Variants in RGS22 observed in about 807,000 individuals in gnomAD.
RGS22 encodes regulator of G-protein signaling 22.
In RGS22, 148 loss-of-function variants were observed where a neutral mutation model predicts 172.9. The observed-to-expected ratio is 0.86, with a 90% CI of 0.75 to 0.98. RGS22 has a LOEUF of 0.98. RGS22 is among the 50% of genes least tolerant of loss of function. The pLI is 0.00. For synonymous variants in RGS22, 458 were observed against 480.2 expected, an observed-to-expected ratio of 0.95 and a Z score of 0.60; for missense variants, 1,347 against 1,440.8, an observed-to-expected ratio of 0.93 and a Z score of 1.05.
At chr8:99,987,049 G>C (rs970867819) in intron 21 of RGS22, among the ~76,000 whole-genome samples, 1 of 152,106 alleles carries the variant, frequency 6.6e-6, no homozygotes, top group Non-Finnish European at 1.5e-5. Flanking sequence ...AAGTGTTTTA[G>C]ATTTTGGATT....
intron 3 of RGS22, among the ~76,000 whole-genome samples, chr8:100,087,123 C>T (rs910110252): frequency 1.3e-5 from 2 of 152,072 alleles, no homozygotes; most frequent in Non-Finnish European, 2.9e-5. Flanking sequence ...CTATAAAACT[C>T]CTATAGTTTA....
At chr8:100,005,326 C>A (rs1047491540) in intron 16 of RGS22, among the ~76,000 whole-genome samples, 2 of 152,066 alleles carry the variant, frequency 1.3e-5, no homozygotes, top group African/African-American at 4.8e-5. Flanking sequence ...TGGATACATG[C>A]AGAAATACAT....
intron 14 of RGS22, among the ~76,000 whole-genome samples, chr8:100,015,113 C>A (rs1030155982): frequency 6.6e-6 from 1 of 152,148 alleles, no homozygotes; most frequent in Admixed American, 6.5e-5. Context: ...TATATTAATA[C>A]TAATAGTTTT....
chr8:100,072,356 AT>A (rs1811050782), intron 4 of RGS22, 126 bp from the exon 5 acceptor site: 1 of 547,640 alleles, frequency 1.8e-6, no homozygotes, highest in African/African-American at 2.0e-5. Context: ...TAGGTCTTCT[AT>A]TTCCACTAGA....
At chr8:100,097,827 T>C (rs1002339734) in intron 2 of RGS22, among the ~76,000 whole-genome samples, 14 of 152,194 alleles carry the variant, frequency 9.2e-5, no homozygotes, top group African/African-American at 3.4e-4. Context: ...TTCCTTCTTA[T>C]CCACACCACC....
At position 99,976,408 on chromosome 8, in the gene RGS22, C is replaced by CT. The variant is rs1811941018; in HGVS notation, c.3519+1508dup. ...ACGGAGTCTTGCTCTGTTGCCCAGG[C>CT]TGGAGTGCAGTGGCGCCATCTCGGC... is the stretch of plus-strand genomic sequence containing the variant. On this transcript the variant is annotated intron_variant, in intron 23 of 27. Transcript: ENST00000360863. Among the ~76,000 whole-genome samples, 3 of 152,236 alleles carry CT rather than the reference C, an allele frequency of 2.0e-5. No homozygotes were observed. In the South Asian group the frequency reaches 6.2e-4, roughly 32 times the overall value.
chr8:100,019,856 C>G (rs1817409637), intron 14 of RGS22, among the ~76,000 whole-genome samples: 1 of 151,356 alleles, frequency 6.6e-6, no homozygotes, highest in Non-Finnish European at 1.5e-5. Context: ...AGTATAAGAA[C>G]TATAAAACCA....
intron 15 of RGS22, 67 bp downstream of exon 15, chr8:100,008,308 G>T: frequency 6.9e-7 from 1 of 1,458,736 alleles, no homozygotes; most frequent in Non-Finnish European, 9.4e-7. Context: ...AAAGTGCTGG[G>T]ATAACAGGCG....
chr8:100,060,421 T>TATATATATATATATATATATATACACAC (rs1245783464), intron 9 of RGS22, among the ~76,000 whole-genome samples: 1 of 119,480 alleles, frequency 8.4e-6, no homozygotes, highest in African/African-American at 2.9e-5. Flanking sequence ...TATATATATA[T>TATATATATATATATATATATATACACAC]ACACACACAC....
intron 23 of RGS22, among the ~76,000 whole-genome samples, chr8:99,968,533 C>T (rs114886025): frequency 0.011 from 1,672 of 152,030 alleles, 34 homozygotes; most frequent in African/African-American, 0.039. Flanking sequence ...TAAAGAAGAA[C>T]ATGAATGACC....
At chr8:100,067,513 G>A (rs1327747294) in intron 6 of RGS22, among the ~76,000 whole-genome samples, 1 of 151,964 alleles carries the variant, frequency 6.6e-6, no homozygotes, top group African/African-American at 2.4e-5. Context: ...AACATACAAG[G>A]TCCTTGCTAT....
At position 100,051,510 on chromosome 8, in the gene RGS22, TAA is replaced by T. The variant is rs1192998881; in HGVS notation, c.1689+1290_1689+1291del. On this transcript the variant is annotated intron_variant, in intron 10 of 27. Transcript: ENST00000360863. Reference sequence around the variant, plus strand: ...ATATATAATATATAATAAATATATATAAATATATTTTTATATATTTATACATA... The same window carrying T: ...ATATATAATATATAATAAATATATATATATATTTTTATATATTTATACATA... Among the ~76,000 whole-genome samples, 10 of 20,192 alleles carry T rather than the reference TAA, an allele frequency of 5.0e-4. 1 individual carries two copies. Among genetic ancestry groups the T allele is most frequent in the African/African-American group, 1.8e-3 (10 of 5,658 alleles). The allele number at this position is 20,192 out of a possible 152,430, so 13.2% of individuals were successfully genotyped here. A position where few individuals can be genotyped will look rare whatever the true frequency, so the allele number is the denominator to read the frequency against.
Position 100,063,994 on chromosome 8 carries a change from T to C in RGS22, c.774A>G (p.Pro258=). 6.4e-7 allele frequency: 1 copy of C among 1,553,316 alleles called. No homozygotes were observed. Among genetic ancestry groups the C allele is most frequent in the Admixed American group, 2.1e-5 (1 of 48,448 alleles). The change falls in exon 8 of 28, where the codon CCA becomes CCG. Residue 258 remains proline, a synonymous_variant. Transcript: ENST00000360863. The part of the protein sequence containing the change: ...DGVHPRTKKD[P]SKTNKLISEF... Reference sequence around the variant, plus strand: ...CAGAAATCAATTTGTTGGTTTTAGATGGGTCCTTTTTTGTCCTAGGGTGAA... The same window carrying C: ...CAGAAATCAATTTGTTGGTTTTAGACGGGTCCTTTTTTGTCCTAGGGTGAA...
chr8:100,105,482 T>C, intron 1 of RGS22, 80 bp from the exon 2 acceptor site: 3 of 1,165,408 alleles, frequency 2.6e-6, no homozygotes, highest in Non-Finnish European at 2.6e-6. Context: ...AGACAGCACC[T>C]AGCCCTACGT....
chr8:99,969,150 A>G (rs1362608896), intron 23 of RGS22, among the ~76,000 whole-genome samples: 1 of 152,340 alleles, frequency 6.6e-6, no homozygotes, highest in Admixed American at 6.5e-5. Context: ...ACTAAGCTTC[A>G]TAAGTGAAGG....
intron 20 of RGS22, among the ~76,000 whole-genome samples, chr8:99,989,861 CAGATAG>C (rs1251496820): frequency 6.8e-6 from 1 of 146,328 alleles, no homozygotes; most frequent in Non-Finnish European, 1.5e-5. Flanking sequence ...GATAGACAGA[CAGATAG>C]ATAGATAGAT....
At chr8:100,001,186 G>T (rs1054372067) in intron 18 of RGS22, among the ~76,000 whole-genome samples, 1 of 101,132 alleles carries the variant, frequency 9.9e-6, no homozygotes, top group Non-Finnish European at 2.0e-5. Context: ...CAAACCTACC[G>T]CTGAATCCCA....
chr8:100,092,952 A>C (rs1232132894), intron 3 of RGS22, among the ~76,000 whole-genome samples: 1 of 152,236 alleles, frequency 6.6e-6, no homozygotes, highest in Non-Finnish European at 1.5e-5. Flanking sequence ...TAATTGCTTG[A>C]AAGCAAAAAA....
chr8:100,068,432 A>G (rs941025876), intron 6 of RGS22, among the ~76,000 whole-genome samples: 1 of 152,180 alleles, frequency 6.6e-6, no homozygotes, highest in African/African-American at 2.4e-5. Flanking sequence ...GTATTACTCA[A>G]GTGAATACAA....
Sources: allele counts gnomAD v4.1 joint callset (sites outside exome capture counted in the v4.1 genomes callset), GRCh38; gene constraint gnomAD v4.1.1; transcripts MANE v1.5; gene names NCBI Gene and HGNC (gene_info 2026-07-23, HGNC 2026-07-21).